Variants in IGF2R observed in about 807,000 individuals in gnomAD.
The protein encoded by IGF2R is cation-independent mannose-6-phosphate receptor.
In IGF2R, 91 loss-of-function variants were observed where a neutral mutation model predicts 270.6. The observed-to-expected ratio is 0.34, with a 90% CI of 0.28 to 0.40. IGF2R has a LOEUF of 0.40. Ranked by LOEUF, IGF2R falls within the 10% of genes least tolerant of loss-of-function variation. The probability of loss-of-function intolerance (pLI) is 1.00; values close to 1 mark genes in which losing one functional copy is unlikely to be tolerated. For missense variants in IGF2R, 2,805 were observed against 3,188.3 expected (o/e 0.88, Z 2.90); for synonymous variants, 1,316 against 1,258.9 (o/e 1.05, Z -0.96).
chr6:160,056,277 A>G (rs999727830), intron 19 of IGF2R, 147 bp from the exon 20 acceptor site: 7 of 636,766 alleles, frequency 1.1e-5, no homozygotes, highest in African/African-American at 7.3e-5. Context: ...TAATTAGGTA[A>G]TGCACATTAA....
At chr6:160,065,814 G>GTGTGTGTGTATATATATA in intron 29 of IGF2R, among the ~76,000 whole-genome samples, 105 of 78,306 alleles carry the variant, frequency 1.3e-3, no homozygotes, top group Admixed American at 1.5e-3. Flanking sequence ...GTGTGTGTGT[G>GTGTGTGTGTATATATATA]TATATATATA....
chr6:160,099,060 A>G (rs532492015), intron 45 of IGF2R, among the ~76,000 whole-genome samples: 27 of 152,328 alleles, frequency 1.8e-4, no homozygotes, highest in African/African-American at 6.5e-4. Flanking sequence ...ATTTACACAA[A>G]GCTAAAAGAC....
At chr6:160,066,179 G>A (rs1030599438) in intron 29 of IGF2R, among the ~76,000 whole-genome samples, 3 of 151,762 alleles carry the variant, frequency 2.0e-5, no homozygotes, top group East Asian at 1.9e-4. Flanking sequence ...CACACCTGGC[G>A]AATTTTTTTG....
intron 30 of IGF2R, 144 bp downstream of exon 30, chr6:160,068,529 G>T: frequency 7.1e-7 from 1 of 1,412,912 alleles, no homozygotes; most frequent in Non-Finnish European, 9.6e-7. Flanking sequence ...TCCTCGTGGG[G>T]TGGTGTTTGC....
intron 12 of IGF2R, among the ~76,000 whole-genome samples, chr6:160,044,264 CTGGCTGAACCTA>C (rs1270249988): frequency 1.3e-5 from 2 of 152,194 alleles, no homozygotes; most frequent in East Asian, 3.9e-4. Context: ...ATGGCGCTTT[CTGGCTGAACCTA>C]TGGATGACCC....
rs8191929 is a variant in IGF2R, at chr6:160,089,792, G to C, written c.6468-124G>C. ...AGACGTGCTGCCCTAGCGTGTCCGTGCTTCCTTTCCCTAGGAAAGGAAGCA... is the reference window on the plus strand; with the variant it reads ...AGACGTGCTGCCCTAGCGTGTCCGTCCTTCCTTTCCCTAGGAAAGGAAGCA... On this transcript the variant is annotated intron_variant, in intron 43 of 47. Transcript: ENST00000356956. 2,291 of 594,412 alleles carry C rather than the reference G, an allele frequency of 3.9e-3. 46 individuals are homozygous for C. The highest frequency in any genetic ancestry group is 0.038 in the African/African-American group (2,005 of 52,388). The allele number at this position is 594,412 out of a possible 1,614,324, so 36.8% of individuals were successfully genotyped here.
At position 159,969,362 on chromosome 6, in the gene IGF2R, A is replaced by G. The variant is rs1459447728; in HGVS notation, c.116A>G (p.Gln39Arg). The change falls in exon 1 of 48, where the codon CAG becomes CGG. Residue 39 changes from glutamine (Q) to arginine (R), a missense_variant. Coordinates refer to ENST00000356956, the MANE Select transcript of IGF2R (RefSeq NM_000876.4). ...LLLVAAPGST[Q>R]AQAAPFPELC... ...CTCGTCGCTGCCCCGGGGTCCACGCAGGCCCAGGCCGCCCCGTTCCCCGAG... is the reference window on the plus strand; with the variant it reads ...CTCGTCGCTGCCCCGGGGTCCACGCGGGCCCAGGCCGCCCCGTTCCCCGAG... 2 of 1,293,720 alleles carry G rather than the reference A, an allele frequency of 1.5e-6. No individual in the cohort carries two copies. Among genetic ancestry groups the G allele is most frequent in the Non-Finnish European group, 2.0e-6 (2 of 1,019,478 alleles). 80.1% of individuals were successfully genotyped at this position (1,293,720 alleles called of 1,614,324 possible). A position where few individuals can be genotyped will look rare whatever the true frequency, so the allele number is the denominator to read the frequency against.
chr6:159,970,844 G>A (rs1039895097), intron 1 of IGF2R, among the ~76,000 whole-genome samples: 2 of 151,872 alleles, frequency 1.3e-5, no homozygotes, highest in African/African-American at 4.8e-5. Flanking sequence ...TTGGAAGGCC[G>A]AGGTGGGCGG....
At chr6:160,021,436 A>C (rs1236657694) in intron 4 of IGF2R, among the ~76,000 whole-genome samples, 4 of 112,620 alleles carry the variant, frequency 3.6e-5, no homozygotes, top group Admixed American at 1.3e-4. Flanking sequence ...CACACCTGGG[A>C]CTGTTGTGGG....
At chr6:159,975,735 ATATT>A (rs1283209591) in intron 1 of IGF2R, among the ~76,000 whole-genome samples, 4 of 146,678 alleles carry the variant, frequency 2.7e-5, no homozygotes, top group Non-Finnish European at 4.5e-5. Context: ...TTATATAAGC[ATATT>A]TATTATATAT....
At chr6:160,011,626 T>C (rs1784337250) in intron 4 of IGF2R, among the ~76,000 whole-genome samples, 1 of 151,352 alleles carries the variant, frequency 6.6e-6, no homozygotes, top group South Asian at 2.1e-4. Context: ...TACATTGTTA[T>C]TAACTGTGGT....
At chr6:160,080,994 C>T (rs1470332937) in intron 39 of IGF2R, among the ~76,000 whole-genome samples, 59 of 150,258 alleles carry the variant, frequency 3.9e-4, no homozygotes, top group Middle Eastern at 3.4e-3. Context: ...GGCGTGGTGG[C>T]GGGCGCCTGT....
intron 39 of IGF2R, among the ~76,000 whole-genome samples, chr6:160,083,582 C>G (rs1182710397): frequency 1.3e-5 from 2 of 152,210 alleles, no homozygotes; most frequent in East Asian, 3.9e-4. Context: ...TGGACAATAC[C>G]GAGCTTTCCA....
chr6:160,072,076 G>T (rs762803354), intron 32 of IGF2R, 40 bp downstream of exon 32: 1 of 1,612,248 alleles, frequency 6.2e-7, no homozygotes, highest in Non-Finnish European at 8.5e-7. Flanking sequence ...GCGCAGGTGA[G>T]AGACGGTGCC....
intron 23 of IGF2R, 36 bp downstream of exon 23, chr6:160,060,753 C>T: frequency 6.2e-6 from 10 of 1,606,658 alleles, no homozygotes; most frequent in South Asian, 1.1e-5. Flanking sequence ...AGAGGCCGGT[C>T]AAGAGTCAGT....
At chr6:160,073,576 C>A in intron 34 of IGF2R, 107 bp downstream of exon 34, 1 of 1,328,184 alleles carries the variant, frequency 7.5e-7, no homozygotes, top group Non-Finnish European at 1.0e-6. Context: ...GCTGAACTGT[C>A]CACTCCTGAT....
intron 1 of IGF2R, among the ~76,000 whole-genome samples, chr6:159,985,262 A>G (rs1379891867): frequency 6.6e-6 from 1 of 152,222 alleles, no homozygotes; most frequent in East Asian, 1.9e-4. Context: ...CTGAAAAGTT[A>G]AAACCATTTC....
intron 19 of IGF2R, among the ~76,000 whole-genome samples, chr6:160,054,458 C>T (rs908989368): frequency 2.0e-5 from 3 of 152,142 alleles, no homozygotes; most frequent in Admixed American, 2.0e-4. Context: ...GCAGGGAATG[C>T]TGGTCGATTG....
At position 160,058,929 on chromosome 6, in the gene IGF2R, T is replaced by A. The variant is rs568099841; in HGVS notation, c.2922T>A (p.Pro974=). 6.2e-7 allele frequency: 1 copy of A among 1,614,216 alleles called. No homozygotes were observed. The highest frequency in any genetic ancestry group is 1.1e-5 in the South Asian group (1 of 91,088). The change falls in exon 22 of 48, where the codon CCT becomes CCA. Residue 974 remains proline (P), a synonymous_variant. Transcript: ENST00000356956. ...AGTTTAATGTCTGCGGCACAATGCC[T>A]GTCTGTGGGACCATCCTGGGAAAAC... ...IFMFNVCGTM[P]VCGTILGKPA...
Sources: gnomAD v4.1 joint callset for allele counts (sites outside exome capture counted in the v4.1 genomes callset) on GRCh38, gnomAD v4.1.1 for gene constraint, MANE v1.5 for transcripts, NCBI Gene and HGNC (gene_info 2026-07-23, HGNC 2026-07-21) for gene names.